Variants in PIEZO1 observed in about 807,000 individuals in gnomAD.
The protein encoded by PIEZO1 is piezo-type mechanosensitive ion channel component 1.
Under a neutral mutation model 297.2 loss-of-function variants are expected in PIEZO1, and 296 were observed. The observed-to-expected ratio is 1.00, with a 90% CI of 0.91 to 1.10. The LOEUF (loss-of-function observed/expected upper bound fraction) is 1.10. PIEZO1 is among the 50% of genes least tolerant of loss of function. The probability of loss-of-function intolerance (pLI) is 0.00; values close to 1 mark genes in which losing one functional copy is unlikely to be tolerated. For missense variants in PIEZO1, 5,018 were observed against 3,455.5 expected (o/e 1.45, Z -11.34); for synonymous variants, 2,427 against 1,507.5 (o/e 1.61, Z -14.13).
chr16:88,719,545 G>C, intron 44 of PIEZO1, 29 bp downstream of exon 44: 2 of 1,544,336 alleles, frequency 1.3e-6, no homozygotes, highest in East Asian at 2.4e-5. Context: ...CCTGGCCCTT[G>C]TCCCGGCCCC....
In PIEZO1 at chr16:88,720,668, C is replaced by T. The variant is rs769913803; in HGVS notation, c.5749G>A (p.Gly1917Arg). Residue 1917 changes from glycine to arginine, a missense_variant, in exon 40 of 51, where the codon GGA (glycine) becomes AGA (arginine). Coordinates refer to ENST00000301015, the MANE Select transcript of PIEZO1 (RefSeq NM_001142864.4). ...TGREKRPSRS[G>R]GRVRAAGRRL... ...CGCCCGGCCGCCCTTACTCTTCCTC[C>T]AGAGCGGCTTGGCCTCTTCTCTCTC... 7.8e-6 allele frequency: 12 copies of T among 1,548,202 alleles called. No homozygotes were observed. Among genetic ancestry groups the T allele is most frequent in the Admixed American group, 2.0e-5 (1 of 50,724 alleles).
chr16:88,750,280 G>A (rs1244359777), intron 1 of PIEZO1, among the ~76,000 whole-genome samples: 1 of 150,728 alleles, frequency 6.6e-6, no homozygotes, highest in African/African-American at 2.5e-5. Context: ...AGGTTGCAGT[G>A]AGCCGAGATT....
At chr16:88,741,287 A>G (rs1203766922) in intron 5 of PIEZO1, 191 bp downstream of exon 5, 2 of 548,572 alleles carry the variant, frequency 3.6e-6, no homozygotes, top group Non-Finnish European at 3.2e-6. Flanking sequence ...CCCGAGTAGA[A>G]ACAGGTCTGA....
At position 88,721,200 on chromosome 16, in the gene PIEZO1, CT is replaced by C. The variant is rs1201505647; in HGVS notation, c.5633del (p.Lys1878ArgfsTer43). Reference protein sequence around the residue: ...RISLRFRRRKKEGPARKGAAA... With the variant: ...RISLRFRRRKXEGPARKGAAA... ...CCGCTCCTTTCCGTGCTGGGCCCTC[CT>C]TCTTCCTTCTTCTAAAACGTAGACT... On this transcript the variant is annotated frameshift_variant, in exon 39 of 51. Coordinates refer to ENST00000301015, the MANE Select transcript of PIEZO1 (RefSeq NM_001142864.4). LOFTEE classifies it high-confidence loss of function. 1.3e-5 allele frequency: 9 copies of C among 703,970 alleles called. No homozygotes were observed. The highest frequency in any genetic ancestry group is 1.9e-5 in the Non-Finnish European group (9 of 480,608). The allele number at this position is 703,970 out of a possible 1,614,324, so 43.6% of individuals were successfully genotyped here.
Position 88,722,825 on chromosome 16 carries a change from G to A in PIEZO1, c.4668+12C>T, listed in dbSNP as rs368128554. On this transcript the variant is annotated intron_variant, in intron 34 of 50. Coordinates refer to ENST00000301015, the MANE Select transcript of PIEZO1 (RefSeq NM_001142864.4). ...CAGAGCAGGGACGAGCGTGGTGCAC[G>A]GGCAGGCTCACCTGCAGGAGCTCCT... is the stretch of plus-strand genomic sequence containing the variant. 369 of 1,542,888 alleles carry A rather than the reference G, an allele frequency of 2.4e-4. No homozygotes were observed. In the African/African-American group the frequency reaches 2.4e-3, roughly 10 times the overall value.
intron 10 of PIEZO1, 32 bp downstream of exon 10, chr16:88,737,527 C>T: frequency 6.9e-7 from 1 of 1,455,014 alleles, no homozygotes; most frequent in South Asian, 1.2e-5. Flanking sequence ...GCCCCCCGCA[C>T]CCAGCCATAC....
At position 88,720,420 on chromosome 16, in the gene PIEZO1, A is replaced by T. The variant is rs770783190; in HGVS notation, c.5914T>A (p.Phe1972Ile). The change falls in exon 41 of 51, where the codon TTC becomes ATC. Residue 1972 changes from phenylalanine to isoleucine, a missense_variant. Coordinates refer to ENST00000301015, the MANE Select transcript of PIEZO1 (RefSeq NM_001142864.4). ...ALMFLADVVD[F>I]IIIIFGFWAF... is the part of the protein sequence containing the mutation. ...CAGAAGCCAAAAATGATGATGATGA[A>T]GTCGACAACATCAGCCAGGAACATG... The T allele has an allele frequency of 3.6e-5, 56 of 1,550,204 alleles. No homozygotes were observed. Among genetic ancestry groups the T allele is most frequent in the Non-Finnish European group, 4.8e-5 (55 of 1,146,906 alleles).
chr16:88,761,166 C>G (rs1056839189), intron 1 of PIEZO1, among the ~76,000 whole-genome samples: 2 of 152,220 alleles, frequency 1.3e-5, no homozygotes, highest in Admixed American at 6.5e-5. Context: ...GTGGGTGGGA[C>G]TGGGGGAACT....
Position 88,716,788 on chromosome 16 carries a change from A to G in PIEZO1, c.6753+18T>C. 1 of 1,549,646 alleles carries G rather than the reference A, an allele frequency of 6.5e-7. No individual in the cohort carries two copies. The highest frequency in any genetic ancestry group is 1.2e-5 in the South Asian group (1 of 84,064). Reference sequence around the variant, plus strand: ...GCCGCCTCCCCACACCAGCTTTCACAGGGCAGAGGCCACTTACCGGCTGGG... The same window carrying G: ...GCCGCCTCCCCACACCAGCTTTCACGGGGCAGAGGCCACTTACCGGCTGGG... On this transcript the variant is annotated intron_variant, in intron 46 of 50. Coordinates refer to ENST00000301015, the MANE Select transcript of PIEZO1 (RefSeq NM_001142864.4).
intron 22 of PIEZO1, 83 bp from the exon 23 acceptor site, chr16:88,727,744 T>C: frequency 1.6e-6 from 1 of 610,582 alleles, no homozygotes; most frequent in Non-Finnish European, 2.7e-6. Context: ...GACCCGAGTC[T>C]ATCACCAGCC....
At chr16:88,717,355 A>C in intron 44 of PIEZO1, 144 bp from the exon 45 acceptor site, 1 of 696,540 alleles carries the variant, frequency 1.4e-6, no homozygotes, top group Admixed American at 2.1e-5. Flanking sequence ...GGGCAGACAC[A>C]GGCCAGTGGA....
chr16:88,723,631 C>T (rs1367244511), intron 31 of PIEZO1, among the ~76,000 whole-genome samples: 1 of 152,264 alleles, frequency 6.6e-6, no homozygotes, highest in East Asian at 1.9e-4. Context: ...CCACGGGCAG[C>T]CACCAGAACC....
At chr16:88,754,868 G>C (rs796405336) in intron 1 of PIEZO1, among the ~76,000 whole-genome samples, 2 of 152,250 alleles carry the variant, frequency 1.3e-5, no homozygotes, top group South Asian at 4.1e-4. Context: ...AGCAGGCAGA[G>C]ACGAGCTGGG....
intron 22 of PIEZO1, 123 bp downstream of exon 22, chr16:88,731,583 G>C (rs897438182): frequency 1.4e-6 from 1 of 699,662 alleles, no homozygotes; most frequent in Non-Finnish European, 2.5e-6. Flanking sequence ...AGAGAGGAGG[G>C]ACTGGAGGAG....
In PIEZO1 at chr16:88,715,779, G is replaced by A. The variant is rs1597438450; in HGVS notation, c.7392C>T (p.His2464=). The part of the protein sequence containing the change: ...FVRGFFSEIS[H]SIMFEELPCV... ...ACGGCAGCTCCTCGAACATAATGGA[G>A]TGCGAGATCTCGCTGAAGAATCCGC... Residue 2464 remains histidine, a synonymous_variant, in exon 51 of 51, where the codon CAC becomes CAT. Coordinates refer to ENST00000301015, the MANE Select transcript of PIEZO1 (RefSeq NM_001142864.4). 6.4e-7 allele frequency: 1 copy of A among 1,550,404 alleles called. No homozygotes were observed. The highest frequency in any genetic ancestry group is 8.7e-7 in the Non-Finnish European group (1 of 1,146,968).
intron 12 of PIEZO1, 93 bp from the exon 13 acceptor site, chr16:88,735,339 G>C (rs1905139263): frequency 9.1e-6 from 8 of 878,244 alleles, no homozygotes; most frequent in East Asian, 2.7e-5. Flanking sequence ...CAGGGGGCAA[G>C]AGCTCTCAGG....
intron 1 of PIEZO1, among the ~76,000 whole-genome samples, chr16:88,751,842 C>T (rs1166003670): frequency 6.6e-6 from 1 of 152,194 alleles, no homozygotes; most frequent in Non-Finnish European, 1.5e-5. Flanking sequence ...TGCACCTGTC[C>T]AGCCAGGTGG....
chr16:88,766,458 T>C (rs1053363140), intron 1 of PIEZO1, among the ~76,000 whole-genome samples: 4 of 152,192 alleles, frequency 2.6e-5, no homozygotes, highest in Non-Finnish European at 5.9e-5. Flanking sequence ...CATATCAATA[T>C]ATAACAAGCA....
At chr16:88,769,249 A>G (rs1452186520) in intron 1 of PIEZO1, among the ~76,000 whole-genome samples, 3 of 152,306 alleles carry the variant, frequency 2.0e-5, no homozygotes, top group Admixed American at 6.5e-5. Context: ...CGGGGGTCTC[A>G]CTATGTTACC....
Sources: gnomAD v4.1 joint callset for allele counts (sites outside exome capture counted in the v4.1 genomes callset) on GRCh38, gnomAD v4.1.1 for gene constraint, MANE v1.5 for transcripts, NCBI Gene and HGNC (gene_info 2026-07-23, HGNC 2026-07-21) for gene names.